The following ADAMTS18 variants were observed in gnomAD, a reference collection of about 807,000 sequenced individuals.
ADAMTS18 encodes the protein ADAM metallopeptidase with thrombospondin type 1 motif 18, also known as A disintegrin and metalloproteinase with thrombospondin motifs 18.
ADAMTS18 carries 157 observed loss-of-function variants against 165.9 expected under a neutral mutation model. The ratio of observed to expected loss-of-function variants is 0.95; its 90% confidence interval spans 0.83 to 1.08. The LOEUF (loss-of-function observed/expected upper bound fraction) is 1.08, where lower values mean the gene tolerates loss of function less well. Among genes scored for constraint, ADAMTS18 ranks in the 50% least tolerant of loss-of-function variants. The pLI is 0.00. For missense variants in ADAMTS18, 2,040 were observed against 1,534.0 expected (o/e 1.33, Z -5.51); for synonymous variants, 782 against 578.2 (o/e 1.35, Z -5.06).
intron 3 of ADAMTS18, among the ~76,000 whole-genome samples, chr16:77,426,487 C>T (rs150378172): frequency 6.6e-6 from 1 of 152,312 alleles, no homozygotes; most frequent in Admixed American, 6.5e-5. Flanking sequence ...TGCATTTTGG[C>T]AATAACTTCA....
chr16:77,307,068 T>C (rs1056362868), intron 16 of ADAMTS18, among the ~76,000 whole-genome samples: 1 of 152,256 alleles, frequency 6.6e-6, no homozygotes, highest in African/African-American at 2.4e-5. Context: ...ATTTTATTTC[T>C]TGAACATACT....
intron 20 of ADAMTS18, 164 bp downstream of exon 20, chr16:77,292,912 T>C (rs981902677): frequency 1.3e-5 from 9 of 719,864 alleles, no homozygotes; most frequent in African/African-American, 1.2e-4. Flanking sequence ...CTCCGCCTCC[T>C]GGGTTCACGC....
At chr16:77,424,643 G>A (rs972930667) in intron 3 of ADAMTS18, among the ~76,000 whole-genome samples, 2 of 152,054 alleles carry the variant, frequency 1.3e-5, no homozygotes, top group Non-Finnish European at 2.9e-5. Context: ...TTTGTTATGA[G>A]CAAATAATTC....
chr16:77,398,849 T>C (rs1213764101), intron 3 of ADAMTS18, among the ~76,000 whole-genome samples: 1 of 152,116 alleles, frequency 6.6e-6, no homozygotes, highest in Non-Finnish European at 1.5e-5. Context: ...AGTGTAAGTT[T>C]AAGACCTAAA....
In ADAMTS18 at chr16:77,367,624, G is replaced by T. The variant is rs936361853; in HGVS notation, c.595C>A (p.Pro199Thr). 1 of 1,614,206 alleles carries T rather than the reference G, an allele frequency of 6.2e-7. No homozygotes were observed. The highest frequency in any genetic ancestry group is 8.5e-7 in the Non-Finnish European group (1 of 1,180,034). Reference sequence around the variant, plus strand: ...GCTGTCCTTTTGTACAGTACGTGAGGATGGTGACCCGCAGGGGAGCTGTAG... The same window carrying T: ...GCTGTCCTTTTGTACAGTACGTGAGTATGGTGACCCGCAGGGGAGCTGTAG... ...HNYSSPAGHH[P>T]HVLYKRTAEE... The change falls in exon 4 of 23, where the codon CCT becomes ACT. Residue 199 changes from proline (P) to threonine (T), a missense_variant. Transcript: ENST00000282849.
At chr16:77,434,275 C>A (rs917489201) in intron 2 of ADAMTS18, 143 bp downstream of exon 2, 3 of 970,186 alleles carry the variant, frequency 3.1e-6, no homozygotes, top group Non-Finnish European at 4.6e-6. Flanking sequence ...AACCTTCCCC[C>A]CTCTCCAAAC....
At chr16:77,300,711 T>C (rs1380049785) in intron 16 of ADAMTS18, among the ~76,000 whole-genome samples, 1 of 152,006 alleles carries the variant, frequency 6.6e-6, no homozygotes, top group Non-Finnish European at 1.5e-5. Context: ...CACACATATA[T>C]GTATCATAAA....
At chr16:77,395,286 G>T (rs1245492106) in intron 3 of ADAMTS18, among the ~76,000 whole-genome samples, 2 of 152,172 alleles carry the variant, frequency 1.3e-5, no homozygotes, top group Non-Finnish European at 2.9e-5. Flanking sequence ...TGGAAAACCA[G>T]TAAGGTCCTT....
intron 18 of ADAMTS18, among the ~76,000 whole-genome samples, chr16:77,296,003 A>G (rs1310838943): frequency 8.6e-6 from 1 of 116,310 alleles, no homozygotes; most frequent in Admixed American, 8.4e-5. Context: ...ACAAGAAAAA[A>G]AAAAGTGTGT....
chr16:77,418,447 T>C (rs773269267), intron 3 of ADAMTS18, among the ~76,000 whole-genome samples: 11 of 152,148 alleles, frequency 7.2e-5, no homozygotes, highest in East Asian at 3.9e-4. Flanking sequence ...GGGTTGCTAC[T>C]GGAATCTAAA....
intron 3 of ADAMTS18, among the ~76,000 whole-genome samples, chr16:77,368,441 T>C (rs112584805): frequency 1.5e-3 from 220 of 151,144 alleles, no homozygotes; most frequent in Non-Finnish European, 2.9e-3. Context: ...TTTTTTCTTT[T>C]TTTTTTTTTT....
At chr16:77,364,014 C>G (rs1201414330) in intron 5 of ADAMTS18, 129 bp from the exon 6 acceptor site, 2 of 1,221,302 alleles carry the variant, frequency 1.6e-6, no homozygotes, top group African/African-American at 3.0e-5. Flanking sequence ...AATACAATTT[C>G]CTCAAAACTC....
intron 22 of ADAMTS18, among the ~76,000 whole-genome samples, chr16:77,286,719 A>G (rs1235688330): frequency 6.6e-6 from 1 of 152,094 alleles, no homozygotes; most frequent in Non-Finnish European, 1.5e-5. Context: ...GCAGCTTATT[A>G]GTATTGAGTG....
At chr16:77,337,908 C>CTTTTTTTTTTTTTTTT (rs10679600) in intron 11 of ADAMTS18, among the ~76,000 whole-genome samples, 1 of 140,836 alleles carries the variant, frequency 7.1e-6, no homozygotes, top group Admixed American at 7.1e-5. Flanking sequence ...CTTTTCTTTT[C>CTTTTTTTTTTTTTTTT]TTTTTTTTTT....
At chr16:77,423,801 T>C (rs138929146) in intron 3 of ADAMTS18, among the ~76,000 whole-genome samples, 104 of 152,216 alleles carry the variant, frequency 6.8e-4, no homozygotes, top group African/African-American at 2.4e-3. Flanking sequence ...TCTCCAAACA[T>C]TCCCGCAAGC....
At chr16:77,300,216 G>A in intron 17 of ADAMTS18, 47 bp downstream of exon 17, 3 of 1,611,456 alleles carry the variant, frequency 1.9e-6, no homozygotes, top group East Asian at 4.5e-5. Flanking sequence ...GAAAGAACCT[G>A]TTTTAAGAGA....
chr16:77,292,625 T>C (rs1342652633), intron 20 of ADAMTS18, among the ~76,000 whole-genome samples: 1 of 152,218 alleles, frequency 6.6e-6, no homozygotes, highest in Non-Finnish European at 1.5e-5. Flanking sequence ...TTTCTCTGCG[T>C]GTGCTTTATG....
At chr16:77,432,607 C>T (rs2057752354) in intron 2 of ADAMTS18, among the ~76,000 whole-genome samples, 1 of 152,218 alleles carries the variant, frequency 6.6e-6, no homozygotes, top group African/African-American at 2.4e-5. Flanking sequence ...TGCATTTCCA[C>T]TTTCAAGGCA....
intron 10 of ADAMTS18, among the ~76,000 whole-genome samples, chr16:77,347,616 A>G (rs530190592): frequency 1.3e-5 from 2 of 151,628 alleles, no homozygotes; most frequent in African/African-American, 4.8e-5. Context: ...TCTCTGATAT[A>G]TTATTTGATA....
Sources: gnomAD v4.1 joint callset for allele counts (sites outside exome capture counted in the v4.1 genomes callset) on GRCh38, gnomAD v4.1.1 for gene constraint, MANE v1.5 for transcripts, NCBI Gene and HGNC (gene_info 2026-07-23, HGNC 2026-07-21) for gene names.